The following ST8SIA6 variants were observed in gnomAD, a reference collection of about 807,000 sequenced individuals.
ST8SIA6 encodes the protein alpha-2,8-sialyltransferase 8F.
ST8SIA6 carries 39 observed loss-of-function variants against 33.6 expected under a neutral mutation model. The observed-to-expected ratio is 1.16, with a 90% CI of 0.90 to 1.52. The LOEUF is 1.52. Ranked by LOEUF, ST8SIA6 falls within the 40% of genes most tolerant of loss-of-function variation. The pLI is 0.00. For synonymous variants in ST8SIA6, 172 were observed against 167.2 expected (o/e 1.03, Z -0.22); for missense variants, 441 against 443.8 (o/e 0.99, Z 0.06).
chr10:17,330,481 C>G (rs1588787952), intron 5 of ST8SIA6, among the ~76,000 whole-genome samples: 1 of 152,070 alleles, frequency 6.6e-6, no homozygotes. Flanking sequence ...AGTATTTTTT[C>G]TCTATCATTT....
At chr10:17,341,210 T>C (rs536370971) in intron 4 of ST8SIA6, among the ~76,000 whole-genome samples, 5 of 152,294 alleles carry the variant, frequency 3.3e-5, no homozygotes, top group Admixed American at 2.0e-4. Context: ...CAGAGATACA[T>C]ACAACTCTAT....
intron 2 of ST8SIA6, among the ~76,000 whole-genome samples, chr10:17,403,104 T>C (rs1425062113): frequency 1.3e-5 from 2 of 152,030 alleles, no homozygotes; most frequent in African/African-American, 2.4e-5. Context: ...AATTTCAGTC[T>C]CCCTCCACCC....
intron 3 of ST8SIA6, among the ~76,000 whole-genome samples, chr10:17,386,056 C>G (rs1850331096): frequency 6.6e-6 from 1 of 152,094 alleles, no homozygotes; most frequent in Non-Finnish European, 1.5e-5. Flanking sequence ...TGGCACGCAC[C>G]TGTCTTCCTG....
chr10:17,374,752 A>ATAAAT (rs1849849394), intron 3 of ST8SIA6, among the ~76,000 whole-genome samples: 1 of 123,308 alleles, frequency 8.1e-6, no homozygotes, highest in Non-Finnish European at 1.7e-5. Flanking sequence ...ATAAATAATA[A>ATAAAT]ATATATATAT....
chr10:17,318,395 T>C lies in ST8SIA6; in HGVS notation c.*2483A>G, dbSNP rs1564394838. 2 of 281,286 alleles carry C rather than the reference T, an allele frequency of 7.1e-6. No individual in the cohort carries two copies. Among genetic ancestry groups the C allele is most frequent in the African/African-American group, 4.4e-5 (2 of 44,998 alleles). The allele number at this position is 281,286 out of a possible 1,614,324, so 17.4% of individuals were successfully genotyped here. On this transcript the variant is annotated 3_prime_UTR_variant, in exon 8 of 8. Coordinates refer to ENST00000377602, the MANE Select transcript of ST8SIA6 (RefSeq NM_001004470.3). Reference sequence around the variant, plus strand: ...TATGCTCAGCTAATTTTTTTGTTTTTTGTAGAGAAGGGTACTCACTATGTT... The same window carrying C: ...TATGCTCAGCTAATTTTTTTGTTTTCTGTAGAGAAGGGTACTCACTATGTT...
intron 2 of ST8SIA6, among the ~76,000 whole-genome samples, chr10:17,430,833 T>C (rs950553187): frequency 2.6e-5 from 4 of 152,194 alleles, no homozygotes; most frequent in African/African-American, 9.7e-5. Flanking sequence ...ATTCTGTGGG[T>C]TGTCTATTTG....
At chr10:17,350,649 CT>C (rs200376251) in intron 4 of ST8SIA6, among the ~76,000 whole-genome samples, 219 of 146,218 alleles carry the variant, frequency 1.5e-3, no homozygotes, top group Non-Finnish European at 1.4e-3. Context: ...TAGACACCAC[CT>C]TTTTTTTTTT....
At chr10:17,424,934 C>T (rs1564458112) in intron 2 of ST8SIA6, among the ~76,000 whole-genome samples, 1 of 151,792 alleles carries the variant, frequency 6.6e-6, no homozygotes, top group South Asian at 2.1e-4. Flanking sequence ...GGGGTTTCTC[C>T]ATGTTGGCCA....
At chr10:17,326,888 G>C (rs2131579822) in intron 6 of ST8SIA6, 126 bp downstream of exon 6, 1 of 601,228 alleles carries the variant, frequency 1.7e-6, no homozygotes, top group East Asian at 3.6e-5. Context: ...AACCTTCCCG[G>C]GTAATTTGTA....
chr10:17,396,446 C>T (rs954210328), intron 2 of ST8SIA6, among the ~76,000 whole-genome samples: 1 of 152,120 alleles, frequency 6.6e-6, no homozygotes, highest in Non-Finnish European at 1.5e-5. Context: ...TTCTTATTGT[C>T]TTTGCCTATT....
At chr10:17,410,131 C>T (rs1254361845) in intron 2 of ST8SIA6, 13 of 152,154 alleles carry the variant, frequency 8.5e-5, no homozygotes, top group Admixed American at 8.5e-4. Flanking sequence ...TGTGTATCTT[C>T]TAAAGACTGT....
chr10:17,361,012 A>G (rs1338662511), intron 3 of ST8SIA6, among the ~76,000 whole-genome samples: 1 of 152,092 alleles, frequency 6.6e-6, no homozygotes, highest in Non-Finnish European at 1.5e-5. Flanking sequence ...ACCAATCCAC[A>G]TGTTGTCTAC....
intron 3 of ST8SIA6, among the ~76,000 whole-genome samples, chr10:17,383,549 T>G (rs381545): frequency 3.9e-5 from 6 of 152,124 alleles, no homozygotes; most frequent in Admixed American, 1.3e-4. Flanking sequence ...TCAATTGTGT[T>G]TTTTGACTAT....
intron 3 of ST8SIA6, among the ~76,000 whole-genome samples, chr10:17,373,415 G>A (rs1051228630): frequency 6.6e-6 from 1 of 152,092 alleles, no homozygotes; most frequent in African/African-American, 2.4e-5. Context: ...AAAACCTGCT[G>A]AATATGTTTG....
In ST8SIA6 at chr10:17,316,006, C is replaced by A. The variant is rs1237053500; in HGVS notation, c.*4872G>T. 6.6e-6 allele frequency among the ~76,000 whole-genome samples: 1 copy of A among 151,808 alleles called. No homozygotes were observed. The highest frequency in any genetic ancestry group is 1.5e-5 in the Non-Finnish European group (1 of 67,876). ...AGCTCTGCTCTTATATATAATGCAA[C>A]CTTATATAAGTTACTTACAATTTTG... On this transcript the variant is annotated 3_prime_UTR_variant, in exon 8 of 8. Coordinates refer to ENST00000377602, the MANE Select transcript of ST8SIA6 (RefSeq NM_001004470.3).
At chr10:17,450,468 C>A (rs1234367646) in intron 2 of ST8SIA6, among the ~76,000 whole-genome samples, 1 of 152,078 alleles carries the variant, frequency 6.6e-6, no homozygotes, top group East Asian at 1.9e-4. Context: ...TGAGACAGAG[C>A]CTTGGCCTGC....
intron 2 of ST8SIA6, among the ~76,000 whole-genome samples, chr10:17,402,603 G>A (rs988251209): frequency 7.2e-5 from 11 of 152,132 alleles, no homozygotes; most frequent in South Asian, 2.1e-4. Context: ...TATAAAAAAG[G>A]ACGAGTTCAT....
chr10:17,383,931 G>T (rs546532307), intron 3 of ST8SIA6, among the ~76,000 whole-genome samples: 1 of 152,268 alleles, frequency 6.6e-6, no homozygotes, highest in East Asian at 1.9e-4. Context: ...GAGCATATTT[G>T]TTTCTAACTG....
intron 3 of ST8SIA6, among the ~76,000 whole-genome samples, chr10:17,373,345 A>G (rs78217937): frequency 0.024 from 3,592 of 152,260 alleles, 112 homozygotes; most frequent in East Asian, 0.084. Context: ...TATGGGATGT[A>G]TGTTACATAT....
Sources: gnomAD v4.1 joint callset for allele counts (sites outside exome capture counted in the v4.1 genomes callset) on GRCh38, gnomAD v4.1.1 for gene constraint, MANE v1.5 for transcripts, NCBI Gene and HGNC (gene_info 2026-07-23, HGNC 2026-07-21) for gene names.